ZNF236: variants seen among roughly 807,000 people sequenced by gnomAD.
ZNF236 encodes zinc finger protein 236, also known as regulated by glucose.
ZNF236 carries 50 observed loss-of-function variants against 191.2 expected under a neutral mutation model. The ratio of observed to expected loss-of-function variants is 0.26; its 90% CI spans 0.21 to 0.33. ZNF236 has a LOEUF of 0.33. ZNF236 is among the 10% of genes least tolerant of loss of function. The probability of loss-of-function intolerance (pLI) is 1.00; values close to 1 mark genes in which losing one functional copy is unlikely to be tolerated. For missense variants in ZNF236, 1,754 were observed against 2,374.5 expected, an observed-to-expected ratio of 0.74 and a Z score of 5.43; for synonymous variants, 907 against 928.8, an observed-to-expected ratio of 0.98 and a Z score of 0.43.
chr18:76,852,075 T>TG, intron 3 of ZNF236, 136 bp downstream of exon 3: 2 of 908,552 alleles, frequency 2.2e-6, no homozygotes, highest in Non-Finnish European at 3.2e-6. Flanking sequence ...TGTCATTAGA[T>TG]TTGCCTTGAC....
At chr18:76,956,445 C>T (rs1968527854) in intron 28 of ZNF236, among the ~76,000 whole-genome samples, 1 of 152,236 alleles carries the variant, frequency 6.6e-6, no homozygotes, top group African/African-American at 2.4e-5. Context: ...TCTCCCTTGT[C>T]AGACTGGCAA....
Position 76,968,766 on chromosome 18 carries a change from G to T in ZNF236, c.*427G>T, listed in dbSNP as rs1231854258. ...AGCATAGCTTACAAAGCAAGCGTAA[G>T]ATTGAGGCATGAAGTTCAGAAAAAA... On this transcript the variant is annotated 3_prime_UTR_variant, in exon 31 of 31. Coordinates refer to ENST00000320610, the MANE Select transcript of ZNF236 (RefSeq NM_001306089.2). 6.1e-6 allele frequency: 6 copies of T among 991,702 alleles called. No individual in the cohort carries two copies. The African/African-American group carries it at 8.7e-5, about 14-fold the overall frequency. 61.4% of individuals were successfully genotyped at this position (991,702 alleles called of 1,614,324 possible).
intron 27 of ZNF236, among the ~76,000 whole-genome samples, chr18:76,954,431 G>T (rs1013717273): frequency 6.6e-6 from 1 of 152,182 alleles, no homozygotes; most frequent in Non-Finnish European, 1.5e-5. Flanking sequence ...TTGAGTTGAT[G>T]TTCTTCAGCA....
At position 76,875,127 on chromosome 18, in the gene ZNF236, A is replaced by G. The variant is rs1356514717; in HGVS notation, c.668-365A>G. ...CCTGGGGTGGTGGTTGTGGACGGGA[A>G]GCAGGGCTGCTCTGGGTGTATTTTG... On this transcript the variant is annotated intron_variant, in intron 5 of 30. Coordinates refer to ENST00000320610, the MANE Select transcript of ZNF236 (RefSeq NM_001306089.2). The surrounding 1 kb of genome is among the most constrained non-coding windows in gnomAD (Gnocchi z 4.3). Among the ~76,000 whole-genome samples, 1 of 152,134 alleles carries G rather than the reference A, an allele frequency of 6.6e-6. No homozygotes were observed. The highest frequency in any genetic ancestry group is 1.5e-5 in the Non-Finnish European group (1 of 68,022).
At chr18:76,843,429 C>T (rs1342334941) in intron 1 of ZNF236, among the ~76,000 whole-genome samples, 1 of 152,130 alleles carries the variant, frequency 6.6e-6, no homozygotes, top group Admixed American at 6.5e-5. Flanking sequence ...AACCTGAACG[C>T]TGACAAATGT....
At chr18:76,916,502 A>G (rs1967367698) in intron 19 of ZNF236, among the ~76,000 whole-genome samples, 1 of 152,250 alleles carries the variant, frequency 6.6e-6, no homozygotes, top group South Asian at 2.1e-4. Flanking sequence ...CCAGCTAAAC[A>G]TTAGACACGT....
rs1278813937 is a variant in ZNF236, at chr18:76,956,139, G to T, written c.5069G>T (p.Cys1690Phe). The change falls in exon 28 of 31, where the codon TGC becomes TTC. Residue 1690 changes from cysteine (C) to phenylalanine (F), a missense_variant. By Grantham distance (205) the Cys-to-Phe change is radical. Around this residue, in one of 5 missense-constraint regions of ZNF236, gnomAD observed 606 missense variants for 761.5 expected, o/e 0.80. Coordinates refer to ENST00000320610, the MANE Select transcript of ZNF236 (RefSeq NM_001306089.2). ...EVHGRERIHG[C>F]PVCRKAFKRA... is the part of the protein sequence containing the mutation. Reference sequence around the variant, plus strand: ...CATGGCCGGGAGCGCATCCACGGCTGCCCCGTGTGCAGGAAGGCCTTCAAG... The same window carrying T: ...CATGGCCGGGAGCGCATCCACGGCTTCCCCGTGTGCAGGAAGGCCTTCAAG... The T allele has an allele frequency of 5.1e-6, 8 of 1,565,376 alleles. No individual in the cohort carries two copies. Among genetic ancestry groups the T allele is most frequent in the Non-Finnish European group, 6.9e-6 (8 of 1,156,130 alleles).
At chr18:76,865,247 G>T (rs1363558061) in intron 3 of ZNF236, among the ~76,000 whole-genome samples, 2 of 152,160 alleles carry the variant, frequency 1.3e-5, no homozygotes, top group Non-Finnish European at 2.9e-5. Context: ...TGAGGCAGGA[G>T]AATTGCTTGA....
chr18:76,834,838 C>A, intron 1 of ZNF236: 1 of 453,000 alleles, frequency 2.2e-6, no homozygotes, highest in South Asian at 1.7e-5. Flanking sequence ...CATTGAAATG[C>A]CTTTTGTGGT....
intron 27 of ZNF236, among the ~76,000 whole-genome samples, chr18:76,955,703 AGTCACATTGGAGCTG>A (rs1968506719): frequency 6.6e-6 from 1 of 152,198 alleles, no homozygotes; most frequent in South Asian, 2.1e-4. Flanking sequence ...TAGCCCGGAT[AGTCACATTGGAGCTG>A]GAATTTGCAC....
intron 30 of ZNF236, among the ~76,000 whole-genome samples, chr18:76,967,723 GTGTGCTC>G (rs1968819309): frequency 1.8e-5 from 2 of 109,314 alleles, no homozygotes; most frequent in African/African-American, 3.5e-5. Flanking sequence ...GGAGGTGGTG[GTGTGCTC>G]TGTGAGGCTT....
In ZNF236 at chr18:76,828,125, A is replaced by G. The variant is rs1225558420; in HGVS notation, c.55+5463A>G. Among the ~76,000 whole-genome samples, 4 of 151,588 alleles carry G rather than the reference A, an allele frequency of 2.6e-5. No homozygotes were observed. The South Asian group carries it at 8.3e-4, about 31-fold the overall frequency. The stretch of plus-strand genomic sequence containing the variant: ...TTTCTTGGATGAATTCAAGAGCCCA[A>G]GGGGAGGCACCACCAGTGTAAGCTA... On this transcript the variant is annotated intron_variant, in intron 1 of 30. Coordinates refer to ENST00000320610, the MANE Select transcript of ZNF236 (RefSeq NM_001306089.2).
intron 26 of ZNF236, among the ~76,000 whole-genome samples, chr18:76,941,746 A>T (rs974526677): frequency 4.6e-5 from 7 of 152,140 alleles, no homozygotes; most frequent in Non-Finnish European, 7.4e-5. Flanking sequence ...TCTGTACTTT[A>T]AAAAAAATTA....
intron 1 of ZNF236, among the ~76,000 whole-genome samples, chr18:76,830,542 G>A (rs1975141872): frequency 6.6e-6 from 1 of 151,966 alleles, no homozygotes; most frequent in Non-Finnish European, 1.5e-5. Context: ...GCCTCTCCCC[G>A]GAGATTCAAT....
chr18:76,870,086 G>A (rs1427449268), intron 4 of ZNF236, among the ~76,000 whole-genome samples: 1 of 152,186 alleles, frequency 6.6e-6, no homozygotes, highest in Non-Finnish European at 1.5e-5. Flanking sequence ...AAGAAGTTCC[G>A]TGCCAGTTGA....
At chr18:76,929,421 A>G (rs1967791746) in intron 25 of ZNF236, among the ~76,000 whole-genome samples, 1 of 152,206 alleles carries the variant, frequency 6.6e-6, no homozygotes, top group Non-Finnish European at 1.5e-5. Flanking sequence ...GGTTGATCCA[A>G]TTAACTTTCT....
chr18:76,844,293 G>A (rs918482013), intron 1 of ZNF236, among the ~76,000 whole-genome samples: 2 of 151,938 alleles, frequency 1.3e-5, no homozygotes, highest in Admixed American at 6.6e-5. Context: ...GACCTAAAGC[G>A]GTAGCAATTT....
chr18:76,922,421 C>T (rs1490693120), intron 20 of ZNF236, among the ~76,000 whole-genome samples: 1 of 152,142 alleles, frequency 6.6e-6, no homozygotes, highest in African/African-American at 2.4e-5. Context: ...TGTGATTGAA[C>T]AGCTTTGCAT....
chr18:76,959,961 G>C (rs1490925216), intron 29 of ZNF236, 145 bp downstream of exon 29: 1 of 1,041,974 alleles, frequency 9.6e-7, no homozygotes, highest in Non-Finnish European at 1.3e-6. Context: ...TTTCTCCTGA[G>C]TTTTGACCTA....
Sources: allele counts gnomAD v4.1 joint callset (sites outside exome capture counted in the v4.1 genomes callset), GRCh38; gene constraint gnomAD v4.1.1; regional missense constraint gnomAD v4.1.1; non-coding constraint Gnocchi (gnomAD v3.1); transcripts MANE v1.5; gene names NCBI Gene and HGNC (gene_info 2026-07-23, HGNC 2026-07-21).